Variants in ECE2 observed in about 807,000 individuals in gnomAD.
ECE2 encodes endothelin-converting enzyme 2.
A neutral mutation model predicts 100.6 loss-of-function variants in ECE2; 81 were observed. The observed-to-expected ratio is 0.81, with a 90% CI of 0.67 to 0.97. The LOEUF is 0.97. Among genes scored for constraint, ECE2 ranks in the 50% least tolerant of loss-of-function variants. The probability of loss-of-function intolerance (pLI) is 0.00; values close to 1 mark genes in which losing one functional copy is unlikely to be tolerated. For missense variants in ECE2, 911 were observed against 988.1 expected, an observed-to-expected ratio of 0.92 and a Z score of 1.05; for synonymous variants, 391 against 391.5, an observed-to-expected ratio of 1.00 and a Z score of 0.02.
rs1720998500 is a variant in ECE2, at chr3:184,285,444, C to T, written c.1149-34C>T. ...TTGAGGGGTGTGAAGGGCATCCCAC[C>T]TGCCCTTTTCTTATTTTCTGGTCTG... On this transcript the variant is annotated intron_variant, in intron 9 of 18. Transcript: ENST00000404464. 4 of 1,504,950 alleles carry T rather than the reference C, an allele frequency of 2.7e-6. No individual in the cohort carries two copies. In the East Asian group the frequency reaches 6.8e-5, roughly 25 times the overall value. The allele number at this position is 1,504,950 out of a possible 1,614,324, so 93.2% of individuals were successfully genotyped here.
chr3:184,276,672 C>G (rs1369354359), intron 2 of ECE2, 105 bp downstream of exon 2: 1 of 1,560,168 alleles, frequency 6.4e-7, no homozygotes, highest in Non-Finnish European at 8.7e-7. Context: ...GCCCCCACCT[C>G]CGCTCCATCT....
Position 184,276,886 on chromosome 3 carries a change from C to A in ECE2, c.127-6C>A, listed in dbSNP as rs200812899. On this transcript the variant is annotated splice_region_variant and splice_polypyrimidine_tract_variant and intron_variant, in intron 2 of 18. Coordinates refer to ENST00000404464, the MANE Select transcript of ECE2 (RefSeq NM_001100121.2). Reference sequence around the variant, plus strand: ...CAGTCACTCTCTGTCCCCCTGTGTTCCCCAGGTGGGATTCCAGAAGGGGAC... The same window carrying A: ...CAGTCACTCTCTGTCCCCCTGTGTTACCCAGGTGGGATTCCAGAAGGGGAC... The A allele has an allele frequency of 1.2e-6, 2 of 1,613,814 alleles. No homozygotes were observed. The highest frequency in any genetic ancestry group is 1.7e-5 in the Admixed American group (1 of 59,998).
At chr3:184,280,702 G>C (rs2108421293) in intron 7 of ECE2, among the ~76,000 whole-genome samples, 1 of 152,020 alleles carries the variant, frequency 6.6e-6, no homozygotes, top group East Asian at 1.9e-4. Context: ...AATTGGGCCG[G>C]GTGTGGTGGC....
At position 184,276,534 on chromosome 3, in the gene ECE2, C is replaced by G; in HGVS notation, c.93C>G (p.Pro31=). 6.2e-7 allele frequency: 1 copy of G among 1,611,510 alleles called. No individual in the cohort carries two copies. Among genetic ancestry groups the G allele is most frequent in the Non-Finnish European group, 8.5e-7 (1 of 1,179,664 alleles). Residue 31 remains proline, a synonymous_variant, in exon 2 of 19, where the codon CCC becomes CCG. Coordinates refer to ENST00000404464, the MANE Select transcript of ECE2 (RefSeq NM_001100121.2). ...TLRDEDAPET[P]VEGGASPDAM... ...GGGATGAAGACGCACCCGAGACCCC[C>G]GTAGAGGGCGGGGCCTCCCCGGACG...
At position 184,291,104 on chromosome 3, in the gene ECE2, C is replaced by G; in HGVS notation, c.1899C>G (p.Phe633Leu). Residue 633 changes from phenylalanine to leucine, a missense_variant, in exon 17 of 19, where the codon TTC (phenylalanine) becomes TTG (leucine). Coordinates refer to ENST00000404464, the MANE Select transcript of ECE2 (RefSeq NM_001100121.2). The surrounding 1 kb of genome is among the most constrained non-coding windows in gnomAD (Gnocchi z 4.1). ...PWWQNESLAA[F>L]RNHTACMEEQ... ...GGCAGAATGAGTCCCTGGCAGCCTT[C>G]CGGAACCACACGGCCTGCATGGAGG... 6.2e-7 allele frequency: 1 copy of G among 1,605,326 alleles called. No homozygotes were observed. Among genetic ancestry groups the G allele is most frequent in the Non-Finnish European group, 8.5e-7 (1 of 1,175,046 alleles).
chr3:184,291,773 G>C lies in ECE2; in HGVS notation c.2122-289G>C. ...TGAGGGAGACATGCAGGAAACGAAA[G>C]CTCGGGACGCAGAGTGGCCTGTCCA... On this transcript the variant is annotated intron_variant, in intron 18 of 18. Transcript: ENST00000404464. This position sits in a 1 kb window ranked among gnomAD's most constrained non-coding sequence, Gnocchi z 4.1. 1.9e-6 allele frequency: 1 copy of C among 515,656 alleles called. No homozygotes were observed. The highest frequency in any genetic ancestry group is 3.4e-6 in the Non-Finnish European group (1 of 291,116). 31.9% of individuals were successfully genotyped at this position (515,656 alleles called of 1,614,324 possible).
rs757880589 is a variant in ECE2, at chr3:184,289,526, C to A, written c.1464C>A (p.Ala488=). 3.1e-6 allele frequency: 5 copies of A among 1,613,144 alleles called. No individual in the cohort carries two copies. The highest frequency in any genetic ancestry group is 1.3e-5 in the African/African-American group (1 of 74,868). Reference sequence around the variant, plus strand: ...TGGATGAGAAGACCCGCCAGGCAGCCAAGGAGAAAGTGAGCGGTGGCTAGG... The same window carrying A: ...TGGATGAGAAGACCCGCCAGGCAGCAAAGGAGAAAGTGAGCGGTGGCTAGG... ...VWMDEKTRQA[A]KEKADAIYDM... The change falls in exon 12 of 19, where the codon GCC becomes GCA. Residue 488 remains alanine (A), a synonymous_variant. Coordinates refer to ENST00000404464, the MANE Select transcript of ECE2 (RefSeq NM_001100121.2). This position sits in a 1 kb window ranked among gnomAD's most constrained non-coding sequence, Gnocchi z 4.1.
chr3:184,289,781 T>C lies in ECE2; in HGVS notation c.1551+63T>C. On this transcript the variant is annotated intron_variant, in intron 13 of 18. Coordinates refer to ENST00000404464, the MANE Select transcript of ECE2 (RefSeq NM_001100121.2). This position sits in a 1 kb window ranked among gnomAD's most constrained non-coding sequence, Gnocchi z 4.1. ...TGTAGAGGGCACTGTTCCCTGGGCT[T>C]AGAAATTGGGGCTCAAGCACTGGGA... 2.1e-6 allele frequency: 3 copies of C among 1,437,176 alleles called. No homozygotes were observed. The South Asian group carries it at 4.0e-5, about 19-fold the overall frequency. The allele number at this position is 1,437,176 out of a possible 1,614,324, so 89.0% of individuals were successfully genotyped here. A position where few individuals can be genotyped will look rare whatever the true frequency, so the allele number is the denominator to read the frequency against.
chr3:184,278,574 G>C lies in ECE2; in HGVS notation c.816+17G>C. ...AATGAGAAAGTAAGGAACATCTTCC[G>C]AACCCCCATCCCTACCCCTGGCTGA... is the stretch of plus-strand genomic sequence containing the variant. On this transcript the variant is annotated intron_variant, in intron 7 of 18. Coordinates refer to ENST00000404464, the MANE Select transcript of ECE2 (RefSeq NM_001100121.2). 1 of 1,613,736 alleles carries C rather than the reference G, an allele frequency of 6.2e-7. No individual in the cohort carries two copies.
At position 184,278,038 on chromosome 3, in the gene ECE2, C is replaced by T; in HGVS notation, c.592C>T (p.Leu198Phe). 1.9e-6 allele frequency: 3 copies of T among 1,613,994 alleles called. No homozygotes were observed. Among genetic ancestry groups the T allele is most frequent in the South Asian group, 1.1e-5 (1 of 91,082 alleles). Residue 198 changes from leucine to phenylalanine, a missense_variant, in exon 5 of 19, where the codon CTC becomes TTC. Physicochemically the swap from Leu to Phe is conservative, Grantham distance 22. Transcript: ENST00000404464. ...GCTGGGAGCCCAGCCACTGAGAGAC[C>T]TCATTGAGAAGGTAGGGCCACTGAG... ...EELGAQPLRDLIEKIGGWNIT... is the reference protein window; with the variant it reads ...EELGAQPLRDFIEKIGGWNIT...
At position 184,278,067 on chromosome 3, in the gene ECE2, G is replaced by A. The variant is rs1273131133; in HGVS notation, c.603+18G>A. The A allele has an allele frequency of 5.0e-6, 8 of 1,613,788 alleles. 1 individual carries two copies. In the South Asian group the frequency reaches 8.8e-5, roughly 18 times the overall value. ...TTGAGAAGGTAGGGCCACTGAGCCG[G>A]TTGAGGGCAGGGGAGCAGGAGAGGC... On this transcript the variant is annotated intron_variant, in intron 5 of 18. Coordinates refer to ENST00000404464, the MANE Select transcript of ECE2 (RefSeq NM_001100121.2).
chr3:184,280,660 T>C (rs1246995485), intron 7 of ECE2, among the ~76,000 whole-genome samples: 2 of 152,036 alleles, frequency 1.3e-5, no homozygotes, highest in East Asian at 3.9e-4. Flanking sequence ...CTGGCCAACA[T>C]GGTGAAACCC....
Position 184,289,725 on chromosome 3 carries a change from AC to A in ECE2, c.1551+9del. 1 of 1,608,196 alleles carries A rather than the reference AC, an allele frequency of 6.2e-7. No homozygotes were observed. ...GGATGATGTTTATGACGGGGTGAGT[AC>A]CTACGCTCATCAGTACTGAACTTCA... On this transcript the variant is annotated splice_region_variant and intron_variant, in intron 13 of 18. Transcript: ENST00000404464. The surrounding 1 kb of genome is among the most constrained non-coding windows in gnomAD (Gnocchi z 4.1).
chr3:184,289,287 TC>T lies in ECE2; in HGVS notation c.1375-149del. The T allele has an allele frequency of 1.5e-6, 1 of 661,210 alleles. No individual in the cohort carries two copies. Among genetic ancestry groups the T allele is most frequent in the Non-Finnish European group, 2.6e-6 (1 of 383,466 alleles). The allele number at this position is 661,210 out of a possible 1,614,324, so 41.0% of individuals were successfully genotyped here. A position where few individuals can be genotyped will look rare whatever the true frequency, so the allele number is the denominator to read the frequency against. On this transcript the variant is annotated intron_variant, in intron 11 of 18. Transcript: ENST00000404464. This position sits in a 1 kb window ranked among gnomAD's most constrained non-coding sequence, Gnocchi z 4.1. ...AGTACCTTTACAAATGGTGTTTCCTTCTCATCGTCTCCAGGTGCTCAGCCGT... is the reference window on the plus strand; with the variant it reads ...AGTACCTTTACAAATGGTGTTTCCTTTCATCGTCTCCAGGTGCTCAGCCGT...
chr3:184,280,570 G>A (rs9881827), intron 7 of ECE2, among the ~76,000 whole-genome samples: 18,891 of 152,184 alleles, frequency 0.12, 1,456 homozygotes, highest in Middle Eastern at 0.19. Flanking sequence ...ACCTAACCAG[G>A]CCAGGCAGGG....
intron 9 of ECE2, 76 bp from the exon 10 acceptor site, chr3:184,285,402 T>C: frequency 8.4e-7 from 1 of 1,187,928 alleles, no homozygotes; most frequent in Non-Finnish European, 1.2e-6. Context: ...GCAACTTGCA[T>C]GTTCCTGGGG....
At chr3:184,280,067 C>T (rs956978192) in intron 7 of ECE2, among the ~76,000 whole-genome samples, 3 of 151,970 alleles carry the variant, frequency 2.0e-5, no homozygotes, top group South Asian at 2.1e-4. Context: ...TCTTGGTGCC[C>T]GGATGTTAGA....
chr3:184,286,849 T>C (rs1721080526), intron 10 of ECE2, among the ~76,000 whole-genome samples: 1 of 149,436 alleles, frequency 6.7e-6, no homozygotes, highest in African/African-American at 2.5e-5. Flanking sequence ...GGCTCGTGCC[T>C]GTAATCAGCA....
In ECE2 at chr3:184,289,345, T is replaced by C. The variant is rs1721201354; in HGVS notation, c.1375-92T>C. The C allele has an allele frequency of 8.4e-7, 1 of 1,197,262 alleles. No homozygotes were observed. The highest frequency in any genetic ancestry group is 1.2e-6 in the Non-Finnish European group (1 of 827,988). 74.2% of individuals were successfully genotyped at this position (1,197,262 alleles called of 1,614,324 possible). A position where few individuals can be genotyped will look rare whatever the true frequency, so the allele number is the denominator to read the frequency against. ...TTAGTCTAGACGTTCCCATTTCCCC[T>C]GGGTGGACAGGGATGGGGCACCAAG... is the stretch of plus-strand genomic sequence containing the variant. On this transcript the variant is annotated intron_variant, in intron 11 of 18. Coordinates refer to ENST00000404464, the MANE Select transcript of ECE2 (RefSeq NM_001100121.2). This position sits in a 1 kb window ranked among gnomAD's most constrained non-coding sequence, Gnocchi z 4.1.
Sources: allele counts gnomAD v4.1 joint callset (sites outside exome capture counted in the v4.1 genomes callset), GRCh38; gene constraint gnomAD v4.1.1; non-coding constraint Gnocchi (gnomAD v3.1); transcripts MANE v1.5; gene names NCBI Gene and HGNC (gene_info 2026-07-23, HGNC 2026-07-21).